The following GRID2 variants were observed in gnomAD, a reference collection of about 807,000 sequenced individuals.
The protein encoded by GRID2 is glutamate ionotropic receptor delta type subunit 2.
A neutral mutation model predicts 114.8 loss-of-function variants in GRID2; 33 were observed. The observed-to-expected ratio is 0.29, with a 90% CI of 0.22 to 0.38. The LOEUF is 0.38. GRID2 is among the 10% of genes least tolerant of loss of function. The pLI is 1.00. For missense variants in GRID2, 1,184 were observed against 1,257.7 expected, an observed-to-expected ratio of 0.94 and a Z score of 0.89; for synonymous variants, 505 against 449.9, an observed-to-expected ratio of 1.12 and a Z score of -1.55.
In GRID2 at chr4:92,651,811, C is replaced by T. The variant is rs538875552; in HGVS notation, c.244+61525C>T. Among the ~76,000 whole-genome samples, 5 of 152,244 alleles carry T rather than the reference C, an allele frequency of 3.3e-5. No individual in the cohort carries two copies. The East Asian group carries it at 9.7e-4, about 29-fold the overall frequency. ...ATTTCCTGTTACAACTGTCATTCAG[C>T]TATGTCCCAGAGTGGGGTTGTAGTA... On this transcript the variant is annotated intron_variant, in intron 2 of 15. Transcript: ENST00000282020.
At chr4:92,949,265 ATATC>A (rs1316359858) in intron 2 of GRID2, among the ~76,000 whole-genome samples, 3 of 152,016 alleles carry the variant, frequency 2.0e-5, no homozygotes, top group Non-Finnish European at 2.9e-5. Flanking sequence ...TAATTACTAA[ATATC>A]TATGTAATTA....
chr4:93,621,815 ACT>A (rs1375991573), intron 13 of GRID2, among the ~76,000 whole-genome samples: 4 of 152,194 alleles, frequency 2.6e-5, no homozygotes, highest in Non-Finnish European at 5.9e-5. Context: ...CTATAATCAC[ACT>A]GTTTTAATGA....
At chr4:93,565,876 C>T (rs535420582) in intron 13 of GRID2, among the ~76,000 whole-genome samples, 2 of 152,230 alleles carry the variant, frequency 1.3e-5, no homozygotes, top group South Asian at 2.1e-4. Flanking sequence ...CACGCACATG[C>T]ACATTATCTT....
intron 2 of GRID2, among the ~76,000 whole-genome samples, chr4:92,803,147 AT>A (rs1426028946): frequency 2.0e-5 from 3 of 151,756 alleles, no homozygotes; most frequent in Admixed American, 6.6e-5. Flanking sequence ...ATATAGTGCT[AT>A]TTTTTTCCAT....
At chr4:92,464,386 T>G (rs977591763) in intron 1 of GRID2, among the ~76,000 whole-genome samples, 17 of 152,118 alleles carry the variant, frequency 1.1e-4, no homozygotes, top group African/African-American at 4.1e-4. Context: ...AATACTGTTC[T>G]CTTTAATGTT....
intron 11 of GRID2, among the ~76,000 whole-genome samples, chr4:93,486,198 A>G (rs892493036): frequency 2.0e-5 from 3 of 151,600 alleles, no homozygotes; most frequent in Non-Finnish European, 4.4e-5. Context: ...TTGAACACTG[A>G]TTCTGTAACA....
Position 93,455,957 on chromosome 4 carries a change from G to C in GRID2, c.1841G>C (p.Gly614Ala), listed in dbSNP as rs1198314877. The C allele has an allele frequency of 2.5e-6, 4 of 1,598,084 alleles. No individual in the cohort carries two copies. In the South Asian group the frequency reaches 4.4e-5, roughly 18 times the overall value. Residue 614 changes from glycine to alanine, a missense_variant, in exon 11 of 16, where the codon GGA becomes GCA. This residue lies in a region of GRID2 where 717 missense variants were observed against 796.9 expected (regional missense o/e 0.90). Coordinates refer to ENST00000282020, the MANE Select transcript of GRID2 (RefSeq NM_001510.4). The part of the protein sequence containing the change: ...TLYNSMWFVY[G>A]SFVQQGGEVP... ...TACAACTCCATGTGGTTTGTGTATGGATCTTTTGTACAACAAGGTAAGGAG... is the reference window on the plus strand; with the variant it reads ...TACAACTCCATGTGGTTTGTGTATGCATCTTTTGTACAACAAGGTAAGGAG...
chr4:92,318,847 T>A (rs574070791), intron 1 of GRID2, among the ~76,000 whole-genome samples: 8 of 152,154 alleles, frequency 5.3e-5, no homozygotes, highest in African/African-American at 1.9e-4. Flanking sequence ...CTGTGGTGGA[T>A]TCAACAATCC....
intron 2 of GRID2, among the ~76,000 whole-genome samples, chr4:92,864,381 G>A (rs570281755): frequency 6.6e-6 from 1 of 152,170 alleles, no homozygotes; most frequent in Non-Finnish European, 1.5e-5. Flanking sequence ...CAGACACAGT[G>A]AATGATTCCT....
rs554223463 is a variant in GRID2, at chr4:93,605,249, A to G, written c.2194-21020A>G. On this transcript the variant is annotated intron_variant, in intron 13 of 15. Transcript: ENST00000282020. ...AAAATTAAATAAAATTTAAAAATTC[A>G]ATTCCTCAATCATATTAGCCACATT... Among the ~76,000 whole-genome samples the G allele has an allele frequency of 1.4e-4, 22 of 152,316 alleles. No homozygotes were observed. In the East Asian group the frequency reaches 4.2e-3, roughly 29 times the overall value.
At chr4:92,864,903 C>T (rs138758121) in intron 2 of GRID2, among the ~76,000 whole-genome samples, 3 of 152,224 alleles carry the variant, frequency 2.0e-5, no homozygotes, top group Admixed American at 6.5e-5. Flanking sequence ...CTAACTAACC[C>T]GTCTACCTCC....
chr4:93,748,634 C>T (rs1338235669), intron 14 of GRID2, among the ~76,000 whole-genome samples: 1 of 152,162 alleles, frequency 6.6e-6, no homozygotes, highest in Non-Finnish European at 1.5e-5. Flanking sequence ...ATGTGTGTAA[C>T]ATATCATGCG....
chr4:92,566,255 A>G (rs529748901), intron 1 of GRID2, among the ~76,000 whole-genome samples: 15 of 152,142 alleles, frequency 9.9e-5, no homozygotes, highest in African/African-American at 3.4e-4. Context: ...AAGCTAAAAA[A>G]TATTATTCAA....
chr4:93,026,280 C>T (rs1426808782), intron 2 of GRID2, among the ~76,000 whole-genome samples: 1 of 151,760 alleles, frequency 6.6e-6, no homozygotes, highest in African/African-American at 2.4e-5. Context: ...ATTTTTTATA[C>T]ATTGAGCTCA....
intron 2 of GRID2, among the ~76,000 whole-genome samples, chr4:92,988,903 A>C (rs1445377708): frequency 6.6e-6 from 1 of 152,188 alleles, no homozygotes; most frequent in Non-Finnish European, 1.5e-5. Flanking sequence ...CCTCATAATT[A>C]GTATCAAGGT....
intron 2 of GRID2, among the ~76,000 whole-genome samples, chr4:92,888,659 A>T (rs573705375): frequency 1.3e-5 from 2 of 152,132 alleles, no homozygotes; most frequent in East Asian, 3.9e-4. Context: ...TAGAATGCAT[A>T]TATTTAACAT....
chr4:92,516,875 A>T (rs1453367234), intron 1 of GRID2, among the ~76,000 whole-genome samples: 1 of 151,896 alleles, frequency 6.6e-6, no homozygotes, highest in African/African-American at 2.4e-5. Context: ...GGTAGGTAGT[A>T]GATTCTTTGC....
chr4:93,541,827 G>T (rs1322843513), intron 13 of GRID2, among the ~76,000 whole-genome samples: 2 of 152,118 alleles, frequency 1.3e-5, no homozygotes, highest in African/African-American at 4.8e-5. Context: ...TGCATAATCA[G>T]CAAGTAATGA....
At chr4:93,333,578 T>C (rs1173815542) in intron 8 of GRID2, among the ~76,000 whole-genome samples, 1 of 152,206 alleles carries the variant, frequency 6.6e-6, no homozygotes, top group African/African-American at 2.4e-5. Context: ...ATACCACTAC[T>C]AGTATCCTTT....
Sources: gnomAD v4.1 joint callset for allele counts (sites outside exome capture counted in the v4.1 genomes callset) on GRCh38, gnomAD v4.1.1 for gene constraint, gnomAD v4.1.1 regional missense constraint, MANE v1.5 for transcripts, NCBI Gene and HGNC (gene_info 2026-07-23, HGNC 2026-07-21) for gene names.